The following MAGI1 variants were observed in gnomAD, a reference collection of about 807,000 sequenced individuals.
MAGI1 encodes the protein membrane associated guanylate kinase, WW and PDZ domain containing 1.
In MAGI1, 58 loss-of-function variants were observed where a neutral mutation model predicts 139.9. That is an observed-to-expected ratio of 0.41 (90% CI 0.34 to 0.52). The LOEUF (loss-of-function observed/expected upper bound fraction) is 0.52. Among genes scored for constraint, MAGI1 ranks in the 20% least tolerant of loss-of-function variants. The pLI is 0.12. For synonymous variants in MAGI1, 812 were observed against 737.9 expected, an observed-to-expected ratio of 1.10 and a Z score of -1.63; for missense variants, 1,874 against 1,901.6, an observed-to-expected ratio of 0.99 and a Z score of 0.27.
intron 1 of MAGI1, among the ~76,000 whole-genome samples, chr3:65,944,739 A>T (rs995572445): frequency 6.6e-6 from 1 of 152,200 alleles, no homozygotes; most frequent in African/African-American, 2.4e-5. Context: ...GAAATAGCTA[A>T]AAAATAAAAC....
intron 1 of MAGI1, among the ~76,000 whole-genome samples, chr3:65,668,829 G>A (rs1289520902): frequency 6.6e-6 from 1 of 152,032 alleles, no homozygotes; most frequent in African/African-American, 2.4e-5. Context: ...TGGGATTACA[G>A]GTGTGAGCCA....
intron 2 of MAGI1, among the ~76,000 whole-genome samples, chr3:65,541,024 G>C (rs531688989): frequency 2.0e-5 from 3 of 152,268 alleles, no homozygotes; most frequent in African/African-American, 4.8e-5. Context: ...AAAAAAGTTT[G>C]AAAAGATATA....
At chr3:65,559,714 C>G (rs1344234898) in intron 2 of MAGI1, among the ~76,000 whole-genome samples, 2 of 152,140 alleles carry the variant, frequency 1.3e-5, no homozygotes, top group Non-Finnish European at 2.9e-5. Flanking sequence ...TCTAACTTCT[C>G]TTGGCTCATG....
intron 1 of MAGI1, among the ~76,000 whole-genome samples, chr3:65,994,112 A>G (rs2066316319): frequency 6.6e-6 from 1 of 151,970 alleles, no homozygotes; most frequent in Non-Finnish European, 1.5e-5. Context: ...CATCTCTACT[A>G]AAAATACAAA....
chr3:66,032,914 C>CAAAAAAA (rs58736926), intron 1 of MAGI1, among the ~76,000 whole-genome samples: 3 of 110,298 alleles, frequency 2.7e-5, no homozygotes, highest in Non-Finnish European at 3.7e-5. Flanking sequence ...AACTCCATCT[C>CAAAAAAA]AAAAAAAAAA....
At chr3:65,648,009 G>A (rs1338395889) in intron 1 of MAGI1, among the ~76,000 whole-genome samples, 1 of 152,130 alleles carries the variant, frequency 6.6e-6, no homozygotes. Flanking sequence ...AAATTAAACT[G>A]TCTTGTTATT....
chr3:65,792,161 T>C (rs2039822542), intron 1 of MAGI1, among the ~76,000 whole-genome samples: 1 of 152,166 alleles, frequency 6.6e-6, no homozygotes, highest in African/African-American at 2.4e-5. Context: ...ACTAATAAAA[T>C]AGCCATTAAT....
intron 1 of MAGI1, among the ~76,000 whole-genome samples, chr3:65,730,326 A>G (rs1273051569): frequency 3.3e-5 from 5 of 152,184 alleles, no homozygotes; most frequent in Non-Finnish European, 1.5e-5. Context: ...CATTCTCAGC[A>G]TGTGAATTTT....
intron 2 of MAGI1, among the ~76,000 whole-genome samples, chr3:65,569,265 A>AC (rs2080826782): frequency 6.6e-6 from 1 of 152,230 alleles, no homozygotes; most frequent in Non-Finnish European, 1.5e-5. Flanking sequence ...AATTGTGGTT[A>AC]CCAGGGGCGA....
At chr3:65,639,447 A>G (rs981207467) in intron 1 of MAGI1, among the ~76,000 whole-genome samples, 15 of 152,170 alleles carry the variant, frequency 9.9e-5, no homozygotes, top group Non-Finnish European at 1.6e-4. Context: ...TGGATTTGAG[A>G]CTTAAATCTG....
At chr3:65,775,574 C>T (rs2038344662) in intron 1 of MAGI1, among the ~76,000 whole-genome samples, 1 of 119,752 alleles carries the variant, frequency 8.4e-6, no homozygotes, top group East Asian at 2.7e-4. Context: ...GATATGCAGA[C>T]AAAAAATGTG....
At chr3:65,951,674 T>C (rs2063869078) in intron 1 of MAGI1, among the ~76,000 whole-genome samples, 1 of 152,342 alleles carries the variant, frequency 6.6e-6, no homozygotes, top group Middle Eastern at 3.4e-3. Context: ...TTACAAGTGG[T>C]TCGCATTATA....
chr3:65,663,731 C>A (rs2107408229), intron 1 of MAGI1, among the ~76,000 whole-genome samples: 1 of 152,218 alleles, frequency 6.6e-6, no homozygotes. Context: ...TTGGGGCTGC[C>A]TTGTTCTTCC....
intron 1 of MAGI1, among the ~76,000 whole-genome samples, chr3:65,942,799 T>A (rs903371577): frequency 2.0e-5 from 3 of 152,140 alleles, no homozygotes; most frequent in African/African-American, 7.2e-5. Context: ...ACCAGACAGA[T>A]AACAAGAGGT....
intron 2 of MAGI1, among the ~76,000 whole-genome samples, chr3:65,497,829 T>A (rs901650271): frequency 3.3e-5 from 5 of 152,116 alleles, no homozygotes; most frequent in Non-Finnish European, 7.4e-5. Flanking sequence ...AACTAGCAGA[T>A]CCCATTTTTC....
chr3:65,756,440 C>T (rs1427552864), intron 1 of MAGI1, among the ~76,000 whole-genome samples: 3 of 152,160 alleles, frequency 2.0e-5, no homozygotes, highest in Admixed American at 6.5e-5. Context: ...CTCATAAAAA[C>T]ATGAGCAAAG....
chr3:65,415,337 G>A (rs1946128819), intron 12 of MAGI1, among the ~76,000 whole-genome samples: 1 of 152,196 alleles, frequency 6.6e-6, no homozygotes, highest in Non-Finnish European at 1.5e-5. Flanking sequence ...ACAGAGCAAG[G>A]GGCCAGAAAA....
chr3:65,904,487 C>T (rs73835419), intron 1 of MAGI1, among the ~76,000 whole-genome samples: 18,304 of 152,122 alleles, frequency 0.12, 1,165 homozygotes, highest in East Asian at 0.21. Context: ...CAGGGCCCTG[C>T]GGCCCGGCCT....
intron 2 of MAGI1, among the ~76,000 whole-genome samples, chr3:65,601,969 G>C (rs1242542277): frequency 6.6e-6 from 1 of 152,178 alleles, no homozygotes; most frequent in East Asian, 1.9e-4. Context: ...TTTCTCCAAA[G>C]ACAATACACA....
Sources: allele counts gnomAD v4.1 joint callset (sites outside exome capture counted in the v4.1 genomes callset), GRCh38; gene constraint gnomAD v4.1.1; transcripts MANE v1.5; gene names NCBI Gene and HGNC (gene_info 2026-07-23, HGNC 2026-07-21).